Variants in NT5C2 observed in about 807,000 individuals in gnomAD.
NT5C2 encodes the protein 5'-nucleotidase, cytosolic II.
Under a neutral mutation model 76.1 loss-of-function variants are expected in NT5C2, and 58 were observed. The ratio of observed to expected loss-of-function variants is 0.76; its 90% CI spans 0.62 to 0.95. NT5C2 has a LOEUF of 0.95. Among genes scored for constraint, NT5C2 ranks in the 40% least tolerant of loss-of-function variants. NT5C2 has a pLI of 0.00. For missense variants in NT5C2, 478 were observed against 690.3 expected, an observed-to-expected ratio of 0.69 and a Z score of 3.45; for synonymous variants, 229 against 237.4, an observed-to-expected ratio of 0.96 and a Z score of 0.32.
chr10:103,178,636 T>C (rs981228278), intron 2 of NT5C2, among the ~76,000 whole-genome samples: 2 of 151,612 alleles, frequency 1.3e-5, no homozygotes, highest in Non-Finnish European at 1.5e-5. Flanking sequence ...ATGGAGACCA[T>C]CTTGGCCATC....
chr10:103,168,279 C>T (rs532662210), intron 3 of NT5C2, among the ~76,000 whole-genome samples: 1 of 152,288 alleles, frequency 6.6e-6, no homozygotes, highest in East Asian at 1.9e-4. Flanking sequence ...AAAACCACTG[C>T]TAAATTAATA....
intron 4 of NT5C2, among the ~76,000 whole-genome samples, chr10:103,131,641 C>T (rs1257774944): frequency 1.3e-5 from 2 of 152,216 alleles, no homozygotes; most frequent in Non-Finnish European, 2.9e-5. Flanking sequence ...CAAAGCAACG[C>T]CGGGTGCAGT....
Position 103,099,004 on chromosome 10 carries a change from AG to A in NT5C2, c.634-21del. The A allele has an allele frequency of 1.3e-6, 2 of 1,577,788 alleles. No individual in the cohort carries two copies. Among genetic ancestry groups the A allele is most frequent in the Non-Finnish European group, 1.7e-6 (2 of 1,153,894 alleles). On this transcript the variant is annotated intron_variant, in intron 9 of 18. Transcript: ENST00000404739. ...GGAGCCCTGGAGGAAGACAAAAAAA[AG>A]AATTAAGAAAAGAACAAAATCAGTT...
chr10:103,119,671 C>A (rs2075247812), intron 4 of NT5C2, among the ~76,000 whole-genome samples: 1 of 152,214 alleles, frequency 6.6e-6, no homozygotes, highest in South Asian at 2.1e-4. Flanking sequence ...CAAATAGATG[C>A]AACCAGTTTA....
chr10:103,091,558 A>G lies in NT5C2; in HGVS notation c.1211+6T>C, dbSNP rs1172633346. On this transcript the variant is annotated splice_donor_region_variant and intron_variant, in intron 16 of 18. Coordinates refer to ENST00000404739, the MANE Select transcript of NT5C2 (RefSeq NM_001351169.2). ...TTTTTGGGAAAGAAATTTTTAGAAAACTTACTTGTAGAGTTCAGCCAAGAA... is the reference window on the plus strand; with the variant it reads ...TTTTTGGGAAAGAAATTTTTAGAAAGCTTACTTGTAGAGTTCAGCCAAGAA... 1.2e-6 allele frequency: 2 copies of G among 1,609,638 alleles called. No homozygotes were observed. Among genetic ancestry groups the G allele is most frequent in the Non-Finnish European group, 1.7e-6 (2 of 1,176,650 alleles).
chr10:103,159,506 C>A (rs2084280166), intron 3 of NT5C2, among the ~76,000 whole-genome samples: 1 of 151,826 alleles, frequency 6.6e-6, no homozygotes, highest in Non-Finnish European at 1.5e-5. Context: ...ATTTAATTAG[C>A]TAAGCATGGT....
chr10:103,094,649 C>T (rs947119971), intron 12 of NT5C2, 194 bp from the exon 13 acceptor site: 48 of 500,122 alleles, frequency 9.6e-5, no homozygotes, highest in Middle Eastern at 5.4e-4. Context: ...TTTGGGAGGC[C>T]GAGGCGGGCA....
At chr10:103,099,382 C>T (rs2068991544) in intron 9 of NT5C2, among the ~76,000 whole-genome samples, 1 of 152,100 alleles carries the variant, frequency 6.6e-6, no homozygotes, top group Non-Finnish European at 1.5e-5. Context: ...GCCCCAAATG[C>T]ATTTCTTAAG....
intron 2 of NT5C2, among the ~76,000 whole-genome samples, chr10:103,176,375 A>C (rs1362992125): frequency 6.6e-6 from 1 of 152,080 alleles, no homozygotes; most frequent in Non-Finnish European, 1.5e-5. Context: ...CCCCTGCAGA[A>C]GGCAACTGTT....
At chr10:103,136,728 G>A (rs868458724) in intron 4 of NT5C2, among the ~76,000 whole-genome samples, 2 of 151,364 alleles carry the variant, frequency 1.3e-5, no homozygotes, top group Admixed American at 6.6e-5. Flanking sequence ...CAGTTCAAGC[G>A]GTTCTCCCAC....
chr10:103,166,284 T>C (rs912408006), intron 3 of NT5C2, among the ~76,000 whole-genome samples: 1 of 152,156 alleles, frequency 6.6e-6, no homozygotes, highest in Admixed American at 6.5e-5. Flanking sequence ...ACACCCACCA[T>C]CTCCCTCCAC....
chr10:103,114,001 A>G (rs919373572), intron 4 of NT5C2, among the ~76,000 whole-genome samples: 1 of 152,240 alleles, frequency 6.6e-6, no homozygotes, highest in African/African-American at 2.4e-5. Context: ...CATCTTGTCT[A>G]GAGGAGGAAG....
chr10:103,181,102 A>T (rs2090986162), intron 2 of NT5C2, 83 bp downstream of exon 2: 1 of 152,130 alleles, frequency 6.6e-6, no homozygotes, highest in Non-Finnish European at 1.5e-5. Flanking sequence ...GATACGTTCA[A>T]TATCTTCATT....
At position 103,180,253 on chromosome 10, in the gene NT5C2, ATGT is replaced by A. The variant is rs1280639193; in HGVS notation, c.-25+929_-25+931del. ...TTTAAAATTAAAAAGACAGTATCAAATGTTGTTGAGAATGTAGAGCAACCTGAA... is the reference window on the plus strand; with the variant it reads ...TTTAAAATTAAAAAGACAGTATCAAATGTTGAGAATGTAGAGCAACCTGAA... On this transcript the variant is annotated intron_variant, in intron 2 of 18. Coordinates refer to ENST00000404739, the MANE Select transcript of NT5C2 (RefSeq NM_001351169.2). Among the ~76,000 whole-genome samples, 5 of 152,238 alleles carry A rather than the reference ATGT, an allele frequency of 3.3e-5. No homozygotes were observed. In the East Asian group the frequency reaches 7.7e-4, roughly 23 times the overall value.
At chr10:103,145,804 A>G (rs1166717489) in intron 3 of NT5C2, among the ~76,000 whole-genome samples, 1 of 152,182 alleles carries the variant, frequency 6.6e-6, no homozygotes, top group Non-Finnish European at 1.5e-5. Flanking sequence ...GACAAATGTA[A>G]CAGCTTTTAT....
intron 3 of NT5C2, among the ~76,000 whole-genome samples, chr10:103,164,031 G>C (rs539755225): frequency 6.6e-6 from 1 of 152,066 alleles, no homozygotes; most frequent in African/African-American, 2.4e-5. Context: ...TTGAAGCCCG[G>C]GGTTTGAGAC....
At chr10:103,100,703 TG>T (rs1564957983) in intron 8 of NT5C2, 1 of 502,646 alleles carries the variant, frequency 2.0e-6, no homozygotes, top group East Asian at 5.4e-5. Flanking sequence ...TGAAATGAGT[TG>T]GGGGGTTTTA....
At chr10:103,112,412 T>A (rs2073245970) in intron 4 of NT5C2, among the ~76,000 whole-genome samples, 1 of 152,180 alleles carries the variant, frequency 6.6e-6, no homozygotes. Context: ...TGGAAGGAAA[T>A]TTTTAAATTT....
intron 3 of NT5C2, chr10:103,146,485 A>G (rs1404835231): frequency 1.0e-6 from 1 of 971,382 alleles, no homozygotes; most frequent in African/African-American, 1.8e-5. Flanking sequence ...GAAAAGAAAA[A>G]GTTACAAGTG....
Sources: gnomAD v4.1 joint callset for allele counts (sites outside exome capture counted in the v4.1 genomes callset) on GRCh38, gnomAD v4.1.1 for gene constraint, MANE v1.5 for transcripts, NCBI Gene and HGNC (gene_info 2026-07-23, HGNC 2026-07-21) for gene names.